Variants in NAALADL2 observed in about 807,000 individuals in gnomAD.
NAALADL2 encodes inactive N-acetylated-alpha-linked acidic dipeptidase-like protein 2.
Under a neutral mutation model 87.2 loss-of-function variants are expected in NAALADL2, and 76 were observed. That is an observed-to-expected ratio of 0.87 (90% CI 0.72 to 1.05). The LOEUF (loss-of-function observed/expected upper bound fraction) is 1.05. Among genes scored for constraint, NAALADL2 ranks in the 50% least tolerant of loss-of-function variants. NAALADL2 has a pLI of 0.00. For missense variants in NAALADL2, 1,089 were observed against 945.8 expected (o/e 1.15, Z -1.99); for synonymous variants, 354 against 331.0 (o/e 1.07, Z -0.75).
At chr3:175,734,274 G>A (rs984486446) in intron 11 of NAALADL2, among the ~76,000 whole-genome samples, 3 of 152,124 alleles carry the variant, frequency 2.0e-5, no homozygotes, top group African/African-American at 7.2e-5. Flanking sequence ...GCAGAGGTGG[G>A]CTGGGCGCGG....
At chr3:175,338,214 T>G (rs746947626) in intron 5 of NAALADL2, among the ~76,000 whole-genome samples, 19 of 152,076 alleles carry the variant, frequency 1.2e-4, no homozygotes, top group Admixed American at 3.9e-4. Context: ...ATCGCTGGTG[T>G]TTAGCTGACC....
chr3:175,476,183 GT>G lies in NAALADL2; in HGVS notation c.1653+4430del, dbSNP rs953496642. On this transcript the variant is annotated intron_variant, in intron 9 of 13. Transcript: ENST00000454872. ...TTTCAAGTCAACTACGTTCGTTGGA[GT>G]TTTTGAGCTCCTAACTTGTCTATAG... 6.8e-4 allele frequency among the ~76,000 whole-genome samples: 104 copies of G among 152,258 alleles called. 3 individuals are homozygous for G. Among genetic ancestry groups the G allele is most frequent in the Admixed American group, 6.7e-3 (103 of 15,286 alleles).
chr3:175,097,374 C>T, intron 2 of NAALADL2, 83 bp downstream of exon 2: 1 of 1,285,314 alleles, frequency 7.8e-7, no homozygotes. Flanking sequence ...GATGATTTTT[C>T]ATGGTTCACG....
intron 5 of NAALADL2, among the ~76,000 whole-genome samples, chr3:175,338,606 A>C (rs1042440017): frequency 9.0e-6 from 1 of 110,782 alleles, no homozygotes; most frequent in Non-Finnish European, 1.9e-5. Flanking sequence ...AAAAAAAAAA[A>C]AAAAAAAACA....
chr3:175,423,234 T>C (rs1202488822), intron 5 of NAALADL2, among the ~76,000 whole-genome samples: 2 of 150,198 alleles, frequency 1.3e-5, no homozygotes, highest in Non-Finnish European at 3.0e-5. Flanking sequence ...CTTTTTTTTT[T>C]TTCGGGCTCA....
intron 4 of NAALADL2, among the ~76,000 whole-genome samples, chr3:175,321,236 C>T (rs1249754869): frequency 6.9e-6 from 1 of 144,962 alleles, no homozygotes; most frequent in Non-Finnish European, 1.5e-5. Context: ...AGACAAAAAC[C>T]ACATGATTAT....
intron 12 of NAALADL2, 46 bp from the exon 13 acceptor site, chr3:175,755,174 C>T (rs762724264): frequency 3.3e-6 from 5 of 1,521,210 alleles, no homozygotes; most frequent in Non-Finnish European, 4.5e-6. Context: ...TTATTTTGCT[C>T]CCTTGAGAAT....
intron 4 of NAALADL2, among the ~76,000 whole-genome samples, chr3:175,318,438 A>T (rs2110368348): frequency 6.6e-6 from 1 of 152,148 alleles, no homozygotes; most frequent in South Asian, 2.1e-4. Flanking sequence ...ATAAAAGGTA[A>T]TTTTTTAATA....
At chr3:174,836,692 G>T (rs1375633112) in intron 3 of NAALADL2, among the ~76,000 whole-genome samples, 2 of 117,340 alleles carry the variant, frequency 1.7e-5, no homozygotes, top group Admixed American at 1.2e-4. Context: ...CTGGGTGACA[G>T]AGCGAGACTC....
In NAALADL2 at chr3:175,206,525, A is replaced by C. The variant is rs190558412; in HGVS notation, c.546-27406A>C. On this transcript the variant is annotated intron_variant, in intron 2 of 13. Transcript: ENST00000454872. The stretch of plus-strand genomic sequence containing the variant: ...GGGAGCTAAGCCATGAGGACACATA[A>C]GAGTGAGACAATGGACTGTGGGGAC... Among the ~76,000 whole-genome samples, 46 of 151,588 alleles carry C rather than the reference A, an allele frequency of 3.0e-4. No homozygotes were observed. The East Asian group carries it at 8.0e-3, about 26-fold the overall frequency.
intron 11 of NAALADL2, among the ~76,000 whole-genome samples, chr3:175,719,024 T>G (rs1741823339): frequency 6.6e-6 from 1 of 152,126 alleles, no homozygotes; most frequent in African/African-American, 2.4e-5. Flanking sequence ...CTAAAATGCT[T>G]TTTTAGTTGC....
At chr3:175,070,742 A>G (rs1715481257) in intron 1 of NAALADL2, among the ~76,000 whole-genome samples, 1 of 152,042 alleles carries the variant, frequency 6.6e-6, no homozygotes, top group African/African-American at 2.4e-5. Flanking sequence ...ACTTTGAATG[A>G]ATTGCTTTGG....
At chr3:175,181,678 C>CATATATATATACATATATAT in intron 2 of NAALADL2, among the ~76,000 whole-genome samples, 1 of 51,902 alleles carries the variant, frequency 1.9e-5, no homozygotes, top group East Asian at 7.2e-4. Context: ...ATTCCATTGG[C>CATATATATATACATATATAT]ATATATATAT....
At chr3:174,933,911 A>G (rs1051098001) in intron 1 of NAALADL2, among the ~76,000 whole-genome samples, 1 of 152,198 alleles carries the variant, frequency 6.6e-6, no homozygotes, top group Non-Finnish European at 1.5e-5. Flanking sequence ...CCTTGGCCGT[A>G]TACTTAACCT....
At chr3:175,197,593 A>AT (rs1282838864) in intron 2 of NAALADL2, among the ~76,000 whole-genome samples, 1 of 150,574 alleles carries the variant, frequency 6.6e-6, no homozygotes, top group Non-Finnish European at 1.5e-5. Context: ...AAGAGAACTG[A>AT]TTTTTTGTAA....
chr3:174,460,033 C>A (rs1716108396), intron 1 of NAALADL2, among the ~76,000 whole-genome samples: 1 of 152,072 alleles, frequency 6.6e-6, no homozygotes, highest in Non-Finnish European at 1.5e-5. Flanking sequence ...TTCTCTTCTT[C>A]AATACATCCA....
At chr3:174,912,199 T>C (rs549120630) in intron 1 of NAALADL2, among the ~76,000 whole-genome samples, 4 of 152,148 alleles carry the variant, frequency 2.6e-5, no homozygotes, top group South Asian at 2.1e-4. Flanking sequence ...AATGCTGTCA[T>C]TGGGGGTGGG....
chr3:175,089,093 A>C (rs1032768022), intron 1 of NAALADL2, among the ~76,000 whole-genome samples: 1 of 152,164 alleles, frequency 6.6e-6, no homozygotes, highest in African/African-American at 2.4e-5. Flanking sequence ...TCCTCAGGGC[A>C]CTGTGCTTGG....
intron 2 of NAALADL2, among the ~76,000 whole-genome samples, chr3:174,661,811 A>G (rs772941313): frequency 3.3e-5 from 5 of 152,156 alleles, no homozygotes; most frequent in South Asian, 2.1e-4. Flanking sequence ...AAAATGTGGT[A>G]TACACATGCG....
Sources: allele counts gnomAD v4.1 joint callset (sites outside exome capture counted in the v4.1 genomes callset), GRCh38; gene constraint gnomAD v4.1.1; transcripts MANE v1.5; gene names NCBI Gene and HGNC (gene_info 2026-07-23, HGNC 2026-07-21).